The following DPYSL5 variants were observed in gnomAD, a reference collection of about 807,000 sequenced individuals.
DPYSL5 encodes the protein dihydropyrimidinase-related protein 5.
Under a neutral mutation model 58.4 loss-of-function variants are expected in DPYSL5, and 9 were observed. That is an observed-to-expected ratio of 0.15 (90% CI 0.09 to 0.27). The LOEUF (loss-of-function observed/expected upper bound fraction) is 0.27, where lower values mean the gene tolerates loss of function less well. Ranked by LOEUF, DPYSL5 falls within the 10% of genes least tolerant of loss-of-function variation. The probability of loss-of-function intolerance (pLI) is 1.00; values close to 1 mark genes in which losing one functional copy is unlikely to be tolerated. For missense variants in DPYSL5, 499 were observed against 770.6 expected, an observed-to-expected ratio of 0.65 and a Z score of 4.17; for synonymous variants, 293 against 301.9, an observed-to-expected ratio of 0.97 and a Z score of 0.31.
Position 26,934,703 on chromosome 2 carries a change from A to G in DPYSL5, c.916A>G (p.Thr306Ala), listed in dbSNP as rs918643595. 1 of 1,613,968 alleles carries G rather than the reference A, an allele frequency of 6.2e-7. No homozygotes were observed. The highest frequency in any genetic ancestry group is 8.5e-7 in the Non-Finnish European group (1 of 1,179,990). ...TVPPLRLDTN[T>A]STYLMSLLAN... The stretch of plus-strand genomic sequence containing the variant: ...GCCTCCCCTGAGACTGGACACCAAC[A>G]CCTCAACCTACCTCATGAGCCTGCT... The change falls in exon 8 of 13, where the codon ACC (threonine) becomes GCC (alanine). Residue 306 changes from threonine (T) to alanine (A), a missense_variant. By Grantham distance (58) the Thr-to-Ala change is moderately conservative. This residue lies in a region of DPYSL5 where 404 missense variants were observed against 647.6 expected (regional missense o/e 0.62). Coordinates refer to ENST00000288699, the MANE Select transcript of DPYSL5 (RefSeq NM_020134.4). The surrounding 1 kb of genome is among the most constrained non-coding windows in gnomAD (Gnocchi z 4.3).
chr2:26,919,766 G>A (rs1371415122), intron 2 of DPYSL5, among the ~76,000 whole-genome samples: 1 of 152,164 alleles, frequency 6.6e-6, no homozygotes, highest in Non-Finnish European at 1.5e-5. Flanking sequence ...CTACAAAGCT[G>A]CAATTCTGCT....
chr2:26,884,212 G>A (rs1266662487), intron 1 of DPYSL5, among the ~76,000 whole-genome samples: 2 of 152,294 alleles, frequency 1.3e-5, no homozygotes, highest in African/African-American at 2.4e-5. Context: ...GGTCACAGAC[G>A]CTTGTCCTTC....
chr2:26,854,504 A>G lies in DPYSL5; in HGVS notation c.-5+6250A>G, dbSNP rs140787504. On this transcript the variant is annotated intron_variant, in intron 1 of 12. Transcript: ENST00000288699. ...ACAAAAAAAGAAAGAAACCCTAACCATAAAAGGATCCATGCCTTTAAACAG... is the reference window on the plus strand; with the variant it reads ...ACAAAAAAAGAAAGAAACCCTAACCGTAAAAGGATCCATGCCTTTAAACAG... Among the ~76,000 whole-genome samples, 1,416 of 152,284 alleles carry G rather than the reference A, an allele frequency of 9.3e-3. 15 individuals carry two copies. Among genetic ancestry groups the G allele is most frequent in the African/African-American group, 0.031 (1,284 of 41,554 alleles).
chr2:26,877,219 G>A lies in DPYSL5; in HGVS notation c.-4-21277G>A, dbSNP rs868524052. On this transcript the variant is annotated intron_variant, in intron 1 of 12. Coordinates refer to ENST00000288699, the MANE Select transcript of DPYSL5 (RefSeq NM_020134.4). The surrounding 1 kb of genome is among the most constrained non-coding windows in gnomAD (Gnocchi z 4.1). The stretch of plus-strand genomic sequence containing the variant: ...GACCTCAGGTGATCTGCCGGCCTCC[G>A]CCTCCCAAAGTGCTGGGATTACAGG... Among the ~76,000 whole-genome samples the A allele has an allele frequency of 9.2e-5, 14 of 152,068 alleles. No individual in the cohort carries two copies. Among genetic ancestry groups the A allele is most frequent in the South Asian group, 8.3e-4 (4 of 4,814 alleles).
intron 1 of DPYSL5, among the ~76,000 whole-genome samples, chr2:26,884,520 T>TCTCA (rs35489206): frequency 0.086 from 12,495 of 145,458 alleles, 544 homozygotes; most frequent in Non-Finnish European, 0.1. Context: ...TTGTCCTATC[T>TCTCA]CACACACACA....
chr2:26,932,209 A>G (rs1665046824), intron 6 of DPYSL5, among the ~76,000 whole-genome samples: 1 of 18,364 alleles, frequency 5.4e-5, no homozygotes, highest in Admixed American at 4.6e-4. Flanking sequence ...GAAAGAAAGA[A>G]AAGAAAGAAA....
chr2:26,888,963 CCTT>C (rs1212640396), intron 1 of DPYSL5, among the ~76,000 whole-genome samples: 1 of 152,018 alleles, frequency 6.6e-6, no homozygotes, highest in Non-Finnish European at 1.5e-5. Context: ...CAGATGGACG[CCTT>C]CTTGCTATGC....
Position 26,849,312 on chromosome 2 carries a change from G to A in DPYSL5, c.-5+1058G>A, listed in dbSNP as rs1558316100. Reference sequence around the variant, plus strand: ...AGGAGAAGACCCGCGCTGTGCGGGGGAGGGGGGCCTCCTGGGAAGGGGAGC... The same window carrying A: ...AGGAGAAGACCCGCGCTGTGCGGGGAAGGGGGGCCTCCTGGGAAGGGGAGC... On this transcript the variant is annotated intron_variant, in intron 1 of 12. Transcript: ENST00000288699. The surrounding 1 kb of genome is among the most constrained non-coding windows in gnomAD (Gnocchi z 6.2). 6.6e-6 allele frequency among the ~76,000 whole-genome samples: 1 copy of A among 151,988 alleles called. No homozygotes were observed. Among genetic ancestry groups the A allele is most frequent in the African/African-American group, 2.4e-5 (1 of 41,392 alleles).
intron 2 of DPYSL5, among the ~76,000 whole-genome samples, chr2:26,922,563 C>T (rs1664730650): frequency 6.6e-6 from 1 of 152,226 alleles, no homozygotes; most frequent in African/African-American, 2.4e-5. Flanking sequence ...TCTTTTATCT[C>T]ACTGTGCTGT....
intron 1 of DPYSL5, among the ~76,000 whole-genome samples, chr2:26,892,756 T>TGAGAGAGAGAGAGAGCGAGAGAGA: frequency 7.2e-6 from 1 of 138,828 alleles, no homozygotes; most frequent in South Asian, 2.4e-4. Flanking sequence ...TGGGTTTGTT[T>TGAGAGAGAGAGAGAGCGAGAGAGA]GAGAGAGAGA....
intron 2 of DPYSL5, among the ~76,000 whole-genome samples, chr2:26,908,864 T>C (rs977781499): frequency 6.6e-6 from 1 of 152,226 alleles, no homozygotes; most frequent in African/African-American, 2.4e-5. Flanking sequence ...GAATGCCATT[T>C]TTCTGTCTTC....
At chr2:26,921,165 C>CA (rs920780997) in intron 2 of DPYSL5, among the ~76,000 whole-genome samples, 383 of 151,802 alleles carry the variant, frequency 2.5e-3, no homozygotes, top group African/African-American at 8.8e-3. Flanking sequence ...CGTAACTAAA[C>CA]AAAAAAAACC....
chr2:26,884,217 TC>T (rs1463128517), intron 1 of DPYSL5, among the ~76,000 whole-genome samples: 1 of 152,170 alleles, frequency 6.6e-6, no homozygotes, highest in African/African-American at 2.4e-5. Context: ...CAGACGCTTG[TC>T]CTTCCCCAGC....
chr2:26,945,304 C>CTT (rs71401543), intron 12 of DPYSL5, among the ~76,000 whole-genome samples: 78,156 of 140,648 alleles, frequency 0.56, 22,008 homozygotes, highest in South Asian at 0.65. Flanking sequence ...CCTTCACCTT[C>CTT]TTTTTTTTTT....
rs199608212 is a variant in DPYSL5, at chr2:26,931,600, T to C, written c.670-40T>C. The C allele has an allele frequency of 7.4e-6, 12 of 1,612,304 alleles. No homozygotes were observed. In the African/African-American group the frequency reaches 8.0e-5, roughly 11 times the overall value. ...ATGGTGTGGGTATCCTTGGAGGAGATGGTGAAGTTTGGTTTCCTCCTGTCC... is the reference window on the plus strand; with the variant it reads ...ATGGTGTGGGTATCCTTGGAGGAGACGGTGAAGTTTGGTTTCCTCCTGTCC... On this transcript the variant is annotated intron_variant, in intron 5 of 12. Coordinates refer to ENST00000288699, the MANE Select transcript of DPYSL5 (RefSeq NM_020134.4).
Position 26,927,228 on chromosome 2 carries a change from C to T in DPYSL5, c.421-25C>T. The stretch of plus-strand genomic sequence containing the variant: ...CTCTTGGGTGTCTGCCCTCACGCAG[C>T]ATTGCCCTTCTACTTGTTCTCCAGG... On this transcript the variant is annotated intron_variant, in intron 3 of 12. Transcript: ENST00000288699. This position sits in a 1 kb window ranked among gnomAD's most constrained non-coding sequence, Gnocchi z 4.3. The T allele has an allele frequency of 6.2e-7, 1 of 1,604,448 alleles. No homozygotes were observed. Among genetic ancestry groups the T allele is most frequent in the Non-Finnish European group, 8.5e-7 (1 of 1,174,722 alleles).
rs552312791 is a variant in DPYSL5, at chr2:26,877,495, A to G, written c.-4-21001A>G. Reference sequence around the variant, plus strand: ...GCTCCACCCCACACCTGCTGAGTACATGCTGGGAAGATCATGTCAACCCTT... The same window carrying G: ...GCTCCACCCCACACCTGCTGAGTACGTGCTGGGAAGATCATGTCAACCCTT... On this transcript the variant is annotated intron_variant, in intron 1 of 12. Transcript: ENST00000288699. The surrounding 1 kb of genome is among the most constrained non-coding windows in gnomAD (Gnocchi z 4.1). Among the ~76,000 whole-genome samples the G allele has an allele frequency of 1.4e-4, 21 of 152,286 alleles. No homozygotes were observed. Among genetic ancestry groups the G allele is most frequent in the Admixed American group, 7.2e-4 (11 of 15,290 alleles).
chr2:26,942,167 A>G lies in DPYSL5; in HGVS notation c.1232+75A>G. The G allele has an allele frequency of 6.3e-7, 1 of 1,588,376 alleles. No homozygotes were observed. The highest frequency in any genetic ancestry group is 8.6e-7 in the Non-Finnish European group (1 of 1,168,106). On this transcript the variant is annotated intron_variant, in intron 10 of 12. Coordinates refer to ENST00000288699, the MANE Select transcript of DPYSL5 (RefSeq NM_020134.4). This position sits in a 1 kb window ranked among gnomAD's most constrained non-coding sequence, Gnocchi z 5.9. The stretch of plus-strand genomic sequence containing the variant: ...GAAGACTTGCATTACAGATCTCCAA[A>G]AGCATATAATTTTGCACTATTTCTA...
At chr2:26,896,714 T>C (rs1454975387) in intron 1 of DPYSL5, among the ~76,000 whole-genome samples, 1 of 152,240 alleles carries the variant, frequency 6.6e-6, no homozygotes, top group South Asian at 2.1e-4. Flanking sequence ...TCTGTGCACA[T>C]TTTTAAATTG....
Sources: gnomAD v4.1 joint callset for allele counts (sites outside exome capture counted in the v4.1 genomes callset) on GRCh38, gnomAD v4.1.1 for gene constraint, gnomAD v4.1.1 regional missense constraint, Gnocchi (gnomAD v3.1) non-coding constraint, MANE v1.5 for transcripts, NCBI Gene and HGNC (gene_info 2026-07-23, HGNC 2026-07-21) for gene names.